SMAD6: variants seen among roughly 807,000 people sequenced by gnomAD.
The protein encoded by SMAD6 is SMAD family member 6.
A neutral mutation model predicts 39.4 loss-of-function variants in SMAD6; 103 were observed. The ratio of observed to expected loss-of-function variants is 2.62; its 90% CI spans 2.23 to 3.08. The LOEUF is 3.08. SMAD6 is among the 30% of genes most tolerant of loss of function. SMAD6 has a pLI of 0.00. For missense variants in SMAD6, 1,104 were observed against 742.9 expected (o/e 1.49, Z -5.65); for synonymous variants, 445 against 353.3 (o/e 1.26, Z -2.91).
At position 66,746,515 on chromosome 15, in the gene SMAD6, G is replaced by A. The variant is rs879720306; in HGVS notation, c.952+30017G>A. 1.4e-4 allele frequency among the ~76,000 whole-genome samples: 22 copies of A among 152,244 alleles called. No homozygotes were observed. The East Asian group carries it at 4.3e-3, about 29-fold the overall frequency. On this transcript the variant is annotated intron_variant, in intron 3 of 3. Coordinates refer to ENST00000288840, the MANE Select transcript of SMAD6 (RefSeq NM_005585.5). ...TCTCTGGATTTGCTCTAGGGGGGTG[G>A]GGGGTCCTGGTGTTGGCCGTGGAGG...
chr15:66,716,431 T>C lies in SMAD6; in HGVS notation c.885T>C (p.Asp295=). ...TCTTTCCTCCCACAGATCTGTCCGA[T>C]TCCACATTGTCTTACACTGAAACGG... ...RDEYKPLDLS[D]STLSYTETEA... Residue 295 remains aspartate, a synonymous_variant, in exon 3 of 4, where the codon GAT becomes GAC. Transcript: ENST00000288840. 6 of 1,612,976 alleles carry C rather than the reference T, an allele frequency of 3.7e-6. No individual in the cohort carries two copies. The highest frequency in any genetic ancestry group is 5.1e-6 in the Non-Finnish European group (6 of 1,178,890).
chr15:66,717,217 GTGGCCTGGTGGCATGC>G (rs1893346823), intron 3 of SMAD6: 3 of 1,013,728 alleles, frequency 3.0e-6, no homozygotes, highest in Non-Finnish European at 4.1e-6. Context: ...TGGTGGCATG[GTGGCCTGGTGGCATGC>G]TGGCTGGGAC....
chr15:66,778,565 T>C (rs181238700), intron 3 of SMAD6, among the ~76,000 whole-genome samples: 1 of 152,192 alleles, frequency 6.6e-6, no homozygotes, highest in Admixed American at 6.5e-5. Flanking sequence ...AGAGTGGGGA[T>C]AGTGACACCT....
chr15:66,757,867 C>T (rs1410026384), intron 3 of SMAD6, among the ~76,000 whole-genome samples: 1 of 152,182 alleles, frequency 6.6e-6, no homozygotes, highest in Non-Finnish European at 1.5e-5. Flanking sequence ...GTAGGCTCTG[C>T]AGACGTGGTG....
chr15:66,737,255 AATGCC>A, intron 3 of SMAD6, among the ~76,000 whole-genome samples: 1 of 152,240 alleles, frequency 6.6e-6, no homozygotes, highest in Admixed American at 6.5e-5. Context: ...CTCTACTTGG[AATGCC>A]CTGCCAGGCT....
At chr15:66,757,118 C>T (rs12148075) in intron 3 of SMAD6, among the ~76,000 whole-genome samples, 6,530 of 152,190 alleles carry the variant, frequency 0.043, 239 homozygotes, top group African/African-American at 0.095. Context: ...CTGTAGTGTA[C>T]GTGATAGTCC....
Position 66,703,809 on chromosome 15 carries a change from A to AG in SMAD6, c.553dup (p.Glu185GlyfsTer118). On this transcript the variant is annotated frameshift_variant, in exon 1 of 4. Transcript: ENST00000288840. LOFTEE classifies it high-confidence loss of function. ...ACGTACTCGCTGCTGAAGCGGCTCAAGGAGCGCTCGCTGGACACGCTGCTG... is the reference window on the plus strand; with the variant it reads ...ACGTACTCGCTGCTGAAGCGGCTCAAGGGAGCGCTCGCTGGACACGCTGCTG... The AG allele has an allele frequency of 7.0e-7, 1 of 1,432,678 alleles. No individual in the cohort carries two copies. Among genetic ancestry groups the AG allele is most frequent in the Non-Finnish European group, 9.2e-7 (1 of 1,082,218 alleles). 88.7% of individuals were successfully genotyped at this position (1,432,678 alleles called of 1,614,324 possible).
chr15:66,704,157 G>GT, intron 1 of SMAD6, 82 bp downstream of exon 1: 1 of 1,143,854 alleles, frequency 8.7e-7, no homozygotes, highest in East Asian at 3.2e-5. Flanking sequence ...GACACTGCGG[G>GT]TCGGCGCAGC....
At chr15:66,714,361 G>A (rs1263302300) in intron 2 of SMAD6, among the ~76,000 whole-genome samples, 2 of 151,746 alleles carry the variant, frequency 1.3e-5, no homozygotes, top group South Asian at 4.2e-4. Flanking sequence ...TGCAAGCTAC[G>A]AATGGCCTTT....
rs1314130961 is a variant in SMAD6, at chr15:66,703,066, C to T, written c.-193C>T. 74 of 417,760 alleles carry T rather than the reference C, an allele frequency of 1.8e-4. No homozygotes were observed. 25.9% of individuals were successfully genotyped at this position (417,760 alleles called of 1,614,324 possible). A position where few individuals can be genotyped will look rare whatever the true frequency, so the allele number is the denominator to read the frequency against. On this transcript the variant is annotated 5_prime_UTR_variant, in exon 1 of 4. Transcript: ENST00000288840. ...GGCGTGCGCGTGTTCCCGGCCGTCC[C>T]GCCTCGGCGAGCTCCCTCATGTTGT...
At chr15:66,712,089 TA>T (rs1412337126) in intron 2 of SMAD6, among the ~76,000 whole-genome samples, 1 of 152,256 alleles carries the variant, frequency 6.6e-6, no homozygotes, top group East Asian at 1.9e-4. Flanking sequence ...AGCCTTGGGT[TA>T]TTCTCCTTTA....
Position 66,703,982 on chromosome 15 carries a change from A to ATC in SMAD6, c.724_725insTC (p.Lys242IlefsTer298). ...CGACCTGCAGCACGCCGTGGAGCTG[A>ATC]AGCCCCTGTGCGGCTGCCACAGCTT... On this transcript the variant is annotated frameshift_variant, in exon 1 of 4. Transcript: ENST00000288840. LOFTEE classifies it high-confidence loss of function. The ATC allele has an allele frequency of 6.8e-7, 1 of 1,472,428 alleles. No homozygotes were observed. The highest frequency in any genetic ancestry group is 8.9e-7 in the Non-Finnish European group (1 of 1,117,560). 91.2% of individuals were successfully genotyped at this position (1,472,428 alleles called of 1,614,324 possible).
In SMAD6 at chr15:66,781,372, G is replaced by T. The variant is rs554980660; in HGVS notation, c.1328G>T (p.Arg443Leu). The change falls in exon 4 of 4, where the codon CGC becomes CTC. Residue 443 changes from arginine to leucine, a missense_variant. Physicochemically the swap from Arg to Leu is moderately radical, Grantham distance 102 (BLOSUM62 -2). Coordinates refer to ENST00000288840, the MANE Select transcript of SMAD6 (RefSeq NM_005585.5). ...TCCATCAAGGTGTTCGACTTCGAGC[G>T]CTCGGGCCTGCAGCACGCGCCCGAG... ...GYSIKVFDFE[R>L]SGLQHAPEPD... 6 of 1,600,442 alleles carry T rather than the reference G, an allele frequency of 3.7e-6. No homozygotes were observed. Among genetic ancestry groups the T allele is most frequent in the African/African-American group, 1.3e-5 (1 of 74,874 alleles).
rs1259557323 is a variant in SMAD6, at chr15:66,704,075, G to T, written c.817G>T (p.Glu273Ter). The part of the protein sequence containing the change: ...PYHFSRLCGP[E>*]SPPPPYSRLS... ...CCACTTCAGCCGGCTCTGCGGGCCC[G>T]GTGAGCGCGCTGCGCCGGCCGGGGG... is the stretch of plus-strand genomic sequence containing the variant. Residue 273 changes from glutamate (E) to a stop codon, truncating the protein, a stop_gained and splice_region_variant, in exon 1 of 4, where the codon GAA (glutamate) becomes TAA (stop). Transcript: ENST00000288840. LOFTEE classifies it high-confidence loss of function. The T allele has an allele frequency of 2.0e-6, 3 of 1,478,930 alleles. No individual in the cohort carries two copies. Among genetic ancestry groups the T allele is most frequent in the Non-Finnish European group, 2.7e-6 (3 of 1,122,540 alleles). 91.6% of individuals were successfully genotyped at this position (1,478,930 alleles called of 1,614,324 possible). A position where few individuals can be genotyped will look rare whatever the true frequency, so the allele number is the denominator to read the frequency against.
At chr15:66,774,389 G>A (rs530253787) in intron 3 of SMAD6, among the ~76,000 whole-genome samples, 4 of 152,294 alleles carry the variant, frequency 2.6e-5, no homozygotes, top group South Asian at 2.1e-4. Context: ...TGTTGGGCTC[G>A]CAGCACCCTC....
intron 1 of SMAD6, 194 bp downstream of exon 1, chr15:66,704,269 C>T: frequency 2.5e-6 from 1 of 398,742 alleles, no homozygotes; most frequent in Admixed American, 4.4e-5. Flanking sequence ...CATCAAGTGG[C>T]AACTTTATCT....
rs754314545 is a variant in SMAD6, at chr15:66,704,038, C to T, written c.780C>T (p.Cys260=). ...FAAAADGPTV[C]CNPYHFSRLC... ...CCGCCGCCGACGGCCCTACCGTGTG[C>T]TGCAACCCCTACCACTTCAGCCGGC... Residue 260 remains cysteine (C), a synonymous_variant, in exon 1 of 4, where the codon TGC becomes TGT. Transcript: ENST00000288840. The T allele has an allele frequency of 1.8e-5, 27 of 1,512,792 alleles. No individual in the cohort carries two copies. The highest frequency in any genetic ancestry group is 5.7e-5 in the African/African-American group (4 of 69,722). 93.7% of individuals were successfully genotyped at this position (1,512,792 alleles called of 1,614,324 possible). A position where few individuals can be genotyped will look rare whatever the true frequency, so the allele number is the denominator to read the frequency against.
rs1353209293 is a variant in SMAD6, at chr15:66,747,457, C to A, written c.952+30959C>A. ...CCGGCTGGTCTTTGTGGGCCCTGGC[C>A]CCCTTCTCTTCTGGGTGTTCCCTCA... On this transcript the variant is annotated intron_variant, in intron 3 of 3. Transcript: ENST00000288840. This position sits in a 1 kb window ranked among gnomAD's most constrained non-coding sequence, Gnocchi z 4.5. Among the ~76,000 whole-genome samples, 1 of 152,234 alleles carries A rather than the reference C, an allele frequency of 6.6e-6. No homozygotes were observed. Among genetic ancestry groups the A allele is most frequent in the Non-Finnish European group, 1.5e-5 (1 of 68,048 alleles).
At chr15:66,738,266 C>G (rs1893748893) in intron 3 of SMAD6, among the ~76,000 whole-genome samples, 1 of 152,128 alleles carries the variant, frequency 6.6e-6, no homozygotes, top group Non-Finnish European at 1.5e-5. Flanking sequence ...ACAGACAGGC[C>G]CATGGAGCCA....
Sources: gnomAD v4.1 joint callset for allele counts (sites outside exome capture counted in the v4.1 genomes callset) on GRCh38, gnomAD v4.1.1 for gene constraint, Gnocchi (gnomAD v3.1) non-coding constraint, MANE v1.5 for transcripts, NCBI Gene and HGNC (gene_info 2026-07-23, HGNC 2026-07-21) for gene names.